The following XPO6 variants were observed in gnomAD, a reference collection of about 807,000 sequenced individuals.
XPO6 encodes the protein exportin-6.
In XPO6, 3 loss-of-function variants were observed where a neutral mutation model predicts 130.0. The ratio of observed to expected loss-of-function variants is 0.02; its 90% CI spans 0.01 to 0.06. The LOEUF (loss-of-function observed/expected upper bound fraction) is 0.06. Ranked by LOEUF, XPO6 falls within the 10% of genes least tolerant of loss-of-function variation. XPO6 has a pLI of 1.00. For missense variants in XPO6, 970 were observed against 1,393.0 expected, an observed-to-expected ratio of 0.70 and a Z score of 4.83; for synonymous variants, 524 against 548.9, an observed-to-expected ratio of 0.95 and a Z score of 0.63.
At chr16:28,111,674 A>G (rs1207818059) in intron 17 of XPO6, 143 bp downstream of exon 17, 1 of 815,222 alleles carries the variant, frequency 1.2e-6, no homozygotes, top group Non-Finnish European at 1.8e-6. Context: ...TCCCACCCCC[A>G]AGTATGACTT....
rs763964799 is a variant in XPO6, at chr16:28,113,045, T to C, written c.2010A>G (p.Gln670=). ...AITPLISTKV[Q]DKLLLSACHL... is the part of the protein sequence containing the mutation. ...GGCACGCAGATAGCAGCAGCTTGTC[T>C]TGGACCTGCAGAGGGAAGAGGGCAC... The change falls in exon 16 of 24, where the codon CAA becomes CAG. Residue 670 remains glutamine (Q), a synonymous_variant. Coordinates refer to ENST00000304658, the MANE Select transcript of XPO6 (RefSeq NM_015171.4). 1 of 1,613,864 alleles carries C rather than the reference T, an allele frequency of 6.2e-7. No individual in the cohort carries two copies. Among genetic ancestry groups the C allele is most frequent in the Non-Finnish European group, 8.5e-7 (1 of 1,179,882 alleles).
chr16:28,191,813 G>C (rs1358657503), intron 1 of XPO6, among the ~76,000 whole-genome samples: 1 of 152,190 alleles, frequency 6.6e-6, no homozygotes, highest in Non-Finnish European at 1.5e-5. Context: ...CACTATAAAA[G>C]CATGCTGCAA....
chr16:28,119,790 G>T (rs1371749473), intron 14 of XPO6, among the ~76,000 whole-genome samples: 1 of 152,184 alleles, frequency 6.6e-6, no homozygotes, highest in Non-Finnish European at 1.5e-5. Flanking sequence ...AGAGCTGAAT[G>T]AACTTATTTC....
At chr16:28,103,242 T>C (rs909470178) in intron 21 of XPO6, among the ~76,000 whole-genome samples, 1 of 152,180 alleles carries the variant, frequency 6.6e-6, no homozygotes, top group Non-Finnish European at 1.5e-5. Flanking sequence ...GATCCTACCA[T>C]GCATAGCCTT....
chr16:28,171,847 T>C (rs1052084275), intron 4 of XPO6, among the ~76,000 whole-genome samples: 4 of 152,204 alleles, frequency 2.6e-5, no homozygotes, highest in African/African-American at 7.2e-5. Flanking sequence ...CTCTTTCCAT[T>C]TGGAGACCTT....
chr16:28,160,539 TA>T (rs1347804706), intron 6 of XPO6, among the ~76,000 whole-genome samples: 1 of 145,304 alleles, frequency 6.9e-6, no homozygotes, highest in African/African-American at 2.7e-5. Context: ...AACTAAAATT[TA>T]AATGTTATTA....
At position 28,166,542 on chromosome 16, in the gene XPO6, G is replaced by A. The variant is rs1270491244; in HGVS notation, c.609C>T (p.Ala203=). ...CTGAGGTCGGGGATGGTGGTGGAGT[G>A]GCAGCAGTAACACTGTGTTTGTCCC... is the stretch of plus-strand genomic sequence containing the variant. The part of the protein sequence containing the change: ...TVWDKHSVTA[A]TPPPSPTSGE... Residue 203 remains alanine, a synonymous_variant, in exon 6 of 24, where the codon GCC becomes GCT. Coordinates refer to ENST00000304658, the MANE Select transcript of XPO6 (RefSeq NM_015171.4). 11 of 1,593,404 alleles carry A rather than the reference G, an allele frequency of 6.9e-6. No individual in the cohort carries two copies. The Admixed American group carries it at 1.2e-4, about 18-fold the overall frequency.
intron 4 of XPO6, among the ~76,000 whole-genome samples, chr16:28,174,179 G>A (rs1202128589): frequency 6.6e-6 from 1 of 152,104 alleles, no homozygotes; most frequent in Non-Finnish European, 1.5e-5. Context: ...CCCCAGTCCA[G>A]GCCTACTGGC....
intron 8 of XPO6, among the ~76,000 whole-genome samples, chr16:28,146,867 A>G (rs2042991869): frequency 6.6e-6 from 1 of 152,212 alleles, no homozygotes; most frequent in Admixed American, 6.5e-5. Context: ...GGATCCTAGT[A>G]GTACAATGAA....
chr16:28,156,348 A>G lies in XPO6; in HGVS notation c.823T>C (p.Phe275Leu). The change falls in exon 7 of 24, where the codon TTC becomes CTC. Residue 275 changes from phenylalanine to leucine, a missense_variant. Phe to Leu is a conservative substitution (Grantham distance 22). Transcript: ENST00000304658. ...SITPSLLTTI[F>L]HFARFGCDIR... ...TCACAGCCAAATCGTGCAAAGTGGA[A>G]GATGGTGGTAAGGAGGGATGGGGTG... 1 of 1,614,060 alleles carries G rather than the reference A, an allele frequency of 6.2e-7. No homozygotes were observed. Among genetic ancestry groups the G allele is most frequent in the Non-Finnish European group, 8.5e-7 (1 of 1,179,996 alleles).
rs1373296412 is a variant in XPO6, at chr16:28,132,602, G to A, written c.1537-199C>T. Among the ~76,000 whole-genome samples the A allele has an allele frequency of 2.8e-5, 4 of 144,740 alleles. No individual in the cohort carries two copies. Among genetic ancestry groups the A allele is most frequent in the Non-Finnish European group, 4.5e-5 (3 of 66,798 alleles). The allele number at this position is 144,740 out of a possible 152,430, so 95.0% of individuals were successfully genotyped here. ...CCAACTAGTTTCTATAATTGAAACC[G>A]CCAATTAATACACAGAATAAGAAAG... On this transcript the variant is annotated intron_variant, in intron 11 of 23. Transcript: ENST00000304658. The surrounding 1 kb of genome is among the most constrained non-coding windows in gnomAD (Gnocchi z 4.0).
At chr16:28,150,284 G>A (rs932692564) in intron 8 of XPO6, among the ~76,000 whole-genome samples, 2 of 152,158 alleles carry the variant, frequency 1.3e-5, no homozygotes, top group East Asian at 3.9e-4. Flanking sequence ...GGTACAGAGA[G>A]GAGGAAAGAA....
intron 3 of XPO6, 25 bp from the exon 4 acceptor site, chr16:28,176,120 A>C: frequency 1.9e-6 from 3 of 1,611,914 alleles, no homozygotes; most frequent in Non-Finnish European, 2.5e-6. Flanking sequence ...TACATCTTTT[A>C]AGTTAACAAC....
chr16:28,104,657 C>T lies in XPO6; in HGVS notation c.2835G>A (p.Thr945=), dbSNP rs768661455. The change falls in exon 21 of 24, where the codon ACG becomes ACA. Residue 945 remains threonine, a synonymous_variant. Transcript: ENST00000304658. ...AGAAGTACCTCCAGTTGTGATGGAGCGTCCGGAAAAGGAGCTCAAACAGCT... is the reference window on the plus strand; with the variant it reads ...AGAAGTACCTCCAGTTGTGATGGAGTGTCCGGAAAAGGAGCTCAAACAGCT... ...KAELFELLFR[T]LHHNWRYFFK... 1.9e-6 allele frequency: 3 copies of T among 1,614,166 alleles called. No homozygotes were observed. Among genetic ancestry groups the T allele is most frequent in the Non-Finnish European group, 2.5e-6 (3 of 1,180,038 alleles).
intron 5 of XPO6, chr16:28,166,826 C>A (rs1484209156): frequency 1.0e-6 from 1 of 985,258 alleles, no homozygotes; most frequent in Non-Finnish European, 1.2e-6. Flanking sequence ...CAGCACTGCT[C>A]TTTGCCAGAG....
At chr16:28,211,246 G>A in intron 1 of XPO6, 120 bp downstream of exon 1, 5 of 1,084,020 alleles carry the variant, frequency 4.6e-6, no homozygotes, top group Non-Finnish European at 4.8e-6. Flanking sequence ...TCACCGGCCA[G>A]GCTCCGCACG....
chr16:28,125,242 G>A (rs2087365277), intron 13 of XPO6, among the ~76,000 whole-genome samples: 1 of 152,152 alleles, frequency 6.6e-6, no homozygotes, highest in Non-Finnish European at 1.5e-5. Context: ...GCATCTAGCT[G>A]CCTACTTGGA....
intron 1 of XPO6, among the ~76,000 whole-genome samples, chr16:28,186,414 C>T (rs2043696909): frequency 1.2e-5 from 1 of 85,740 alleles, no homozygotes; most frequent in Non-Finnish European, 2.0e-5. Flanking sequence ...GTCTCTGTTG[C>T]CAGGCTAGAG....
At chr16:28,208,416 C>T (rs1337479617) in intron 1 of XPO6, among the ~76,000 whole-genome samples, 1 of 152,182 alleles carries the variant, frequency 6.6e-6, no homozygotes, top group African/African-American at 2.4e-5. Flanking sequence ...AAGACACCAG[C>T]CAGGCAACAG....
Sources: gnomAD v4.1 joint callset for allele counts (sites outside exome capture counted in the v4.1 genomes callset) on GRCh38, gnomAD v4.1.1 for gene constraint, Gnocchi (gnomAD v3.1) non-coding constraint, MANE v1.5 for transcripts, NCBI Gene and HGNC (gene_info 2026-07-23, HGNC 2026-07-21) for gene names.